SLC22A23: variants seen among roughly 807,000 people sequenced by gnomAD.
SLC22A23 encodes the protein ion transporter protein.
In SLC22A23, 26 loss-of-function variants were observed where a neutral mutation model predicts 61.0. That is an observed-to-expected ratio of 0.43 (90% CI 0.31 to 0.59). The LOEUF (loss-of-function observed/expected upper bound fraction) is 0.59, where lower values mean the gene tolerates loss of function less well. Ranked by LOEUF, SLC22A23 falls within the 20% of genes least tolerant of loss-of-function variation. The pLI, the probability that SLC22A23 is intolerant of heterozygous loss-of-function variation, is 0.11. For synonymous variants in SLC22A23, 430 were observed against 413.9 expected, an observed-to-expected ratio of 1.04 and a Z score of -0.47; for missense variants, 796 against 934.7, an observed-to-expected ratio of 0.85 and a Z score of 1.94.
At chr6:3,275,474 A>G (rs1417286448) in intron 9 of SLC22A23, among the ~76,000 whole-genome samples, 3 of 152,250 alleles carry the variant, frequency 2.0e-5, no homozygotes, top group Non-Finnish European at 4.4e-5. Context: ...ATTGGACTTC[A>G]TTAGGATTAA....
Position 3,386,602 on chromosome 6 carries a change from C to T in SLC22A23, c.913+23586G>A, listed in dbSNP as rs1352878422. ...GCTGCTTGCTCCTCAGTAGCCGTGC[C>T]AAGCGTGGCTGGGGACAGCCCGAGA... On this transcript the variant is annotated intron_variant, in intron 3 of 9. Transcript: ENST00000406686. The surrounding 1 kb of genome is among the most constrained non-coding windows in gnomAD (Gnocchi z 4.4). Among the ~76,000 whole-genome samples the T allele has an allele frequency of 6.6e-6, 1 of 152,264 alleles. No homozygotes were observed. The highest frequency in any genetic ancestry group is 1.5e-5 in the Non-Finnish European group (1 of 68,046).
chr6:3,318,250 C>T lies in SLC22A23; in HGVS notation c.1082+5584G>A, dbSNP rs1050873129. Among the ~76,000 whole-genome samples, 1 of 152,196 alleles carries T rather than the reference C, an allele frequency of 6.6e-6. No homozygotes were observed. The highest frequency in any genetic ancestry group is 1.5e-5 in the Non-Finnish European group (1 of 68,030). ...CTTGCTGATTCCAGAGAGGCTGCTC[C>T]TCCCAGGGTTCGCTAATTCCTAGAC... On this transcript the variant is annotated intron_variant, in intron 4 of 9. Transcript: ENST00000406686. The surrounding 1 kb of genome is among the most constrained non-coding windows in gnomAD (Gnocchi z 4.3).
intron 3 of SLC22A23, among the ~76,000 whole-genome samples, chr6:3,370,864 T>C (rs1766174029): frequency 6.6e-6 from 1 of 152,254 alleles, no homozygotes; most frequent in African/African-American, 2.4e-5. Context: ...AAACAGCTCC[T>C]ACCTGAGATT....
At chr6:3,307,743 T>C (rs1293339285) in intron 4 of SLC22A23, among the ~76,000 whole-genome samples, 9 of 152,238 alleles carry the variant, frequency 5.9e-5, no homozygotes, top group African/African-American at 2.2e-4. Context: ...TGAGTTACAG[T>C]GGAGGATTCC....
Position 3,297,080 on chromosome 6 carries a change from T to C in SLC22A23, c.1210+1011A>G, listed in dbSNP as rs1388374651. On this transcript the variant is annotated intron_variant, in intron 5 of 9. Coordinates refer to ENST00000406686, the MANE Select transcript of SLC22A23 (RefSeq NM_015482.2). The surrounding 1 kb of genome is among the most constrained non-coding windows in gnomAD (Gnocchi z 4.3). ...CCCTGCTGTTTCATCCCTCCTGACG[T>C]ATGCACGTGTAACTTCCCTGTCTGT... Among the ~76,000 whole-genome samples, 1 of 152,206 alleles carries C rather than the reference T, an allele frequency of 6.6e-6. No individual in the cohort carries two copies. The highest frequency in any genetic ancestry group is 1.5e-5 in the Non-Finnish European group (1 of 68,034).
At chr6:3,444,639 G>A (rs535845895) in intron 1 of SLC22A23, among the ~76,000 whole-genome samples, 2 of 152,350 alleles carry the variant, frequency 1.3e-5, no homozygotes, top group African/African-American at 4.8e-5. Flanking sequence ...GGCTAACCAG[G>A]CCTTGGCTAC....
At chr6:3,389,173 C>A (rs1767497951) in intron 3 of SLC22A23, among the ~76,000 whole-genome samples, 1 of 141,630 alleles carries the variant, frequency 7.1e-6, no homozygotes, top group Admixed American at 7.6e-5. Flanking sequence ...GAGTCTGAGG[C>A]AGGAGAATCA....
intron 4 of SLC22A23, chr6:3,323,199 G>C (rs1763063889): frequency 6.6e-6 from 3 of 455,562 alleles, no homozygotes; most frequent in Non-Finnish European, 1.3e-5. Context: ...ATATTGAGCA[G>C]GGGTGGGCAA....
chr6:3,305,139 G>A (rs1038623659), intron 4 of SLC22A23, among the ~76,000 whole-genome samples: 2 of 152,140 alleles, frequency 1.3e-5, no homozygotes, highest in Admixed American at 1.3e-4. Context: ...CGTGTGTGAT[G>A]CTTGCAAGTC....
intron 4 of SLC22A23, 79 bp from the exon 5 acceptor site, chr6:3,298,297 G>A: frequency 2.0e-6 from 3 of 1,500,416 alleles, no homozygotes; most frequent in African/African-American, 1.4e-5. Flanking sequence ...GTGTGGCCCG[G>A]GAGCTTCCCA....
At chr6:3,278,967 G>C (rs11964683) in intron 9 of SLC22A23, among the ~76,000 whole-genome samples, 15,300 of 152,186 alleles carry the variant, frequency 0.1, 2,020 homozygotes, top group African/African-American at 0.31. Context: ...GGGGTGGGCA[G>C]AGGGCCACTG....
rs369782228 is a variant in SLC22A23 at position 3,284,145 on chromosome 6, G to C, written c.1580-170C>G. 1.5e-5 allele frequency: 9 copies of C among 601,280 alleles called. No individual in the cohort carries two copies. In the African/African-American group the frequency reaches 1.7e-4, roughly 11 times the overall value. The allele number at this position is 601,280 out of a possible 1,614,324, so 37.2% of individuals were successfully genotyped here. ...CAGCACCTCAAGGACTAGAAGCCCA[G>C]AGCCCCTGCAGTGGGTTTTGTGGGG... On this transcript the variant is annotated intron_variant, in intron 8 of 9. Coordinates refer to ENST00000406686, the MANE Select transcript of SLC22A23 (RefSeq NM_015482.2).
intron 9 of SLC22A23, among the ~76,000 whole-genome samples, chr6:3,279,824 G>T (rs113462678): frequency 6.6e-6 from 1 of 152,208 alleles, no homozygotes; most frequent in African/African-American, 2.4e-5. Flanking sequence ...TTGGGCTTTA[G>T]GAGCACAAAA....
chr6:3,397,721 G>C (rs1465276437), intron 3 of SLC22A23, among the ~76,000 whole-genome samples: 1 of 152,114 alleles, frequency 6.6e-6, no homozygotes, highest in Admixed American at 6.5e-5. Flanking sequence ...TCAAAACAGT[G>C]CTCAGCTATA....
In SLC22A23 at chr6:3,415,635, C is replaced by G. The variant is rs558483377; in HGVS notation, c.758+117G>C. The G allele has an allele frequency of 7.3e-4, 512 of 704,820 alleles. 2 individuals are homozygous for G. The highest frequency in any genetic ancestry group is 2.4e-4 in the Non-Finnish European group (100 of 413,752). The allele number at this position is 704,820 out of a possible 1,614,324, so 43.7% of individuals were successfully genotyped here. On this transcript the variant is annotated intron_variant, in intron 2 of 9. Coordinates refer to ENST00000406686, the MANE Select transcript of SLC22A23 (RefSeq NM_015482.2). ...TTCTCCACGTGGCAGCTTTGGCCTT[C>G]TGCTCTGGCACTGGGAAAAGACAGT...
At chr6:3,444,091 AATACCATGCAG>A (rs1382961369) in intron 1 of SLC22A23, among the ~76,000 whole-genome samples, 1 of 152,192 alleles carries the variant, frequency 6.6e-6, no homozygotes. Context: ...GACAGGATAC[AATACCATGCAG>A]ATGCCATGGG....
At chr6:3,403,521 T>C (rs916771527) in intron 3 of SLC22A23, among the ~76,000 whole-genome samples, 5 of 152,172 alleles carry the variant, frequency 3.3e-5, no homozygotes, top group Non-Finnish European at 5.9e-5. Context: ...TGTTAACCAT[T>C]AATCTTACCC....
At chr6:3,403,072 A>C (rs1261407694) in intron 3 of SLC22A23, among the ~76,000 whole-genome samples, 2 of 152,170 alleles carry the variant, frequency 1.3e-5, no homozygotes, top group African/African-American at 4.8e-5. Flanking sequence ...CTGTGCTCTC[A>C]GCCAAGAGTC....
intron 3 of SLC22A23, among the ~76,000 whole-genome samples, chr6:3,379,935 T>C (rs772314445): frequency 2.6e-5 from 4 of 152,044 alleles, no homozygotes; most frequent in Non-Finnish European, 5.9e-5. Context: ...GTTTAAATCT[T>C]TGGAGAGAAA....
Sources: allele counts gnomAD v4.1 joint callset (sites outside exome capture counted in the v4.1 genomes callset), GRCh38; gene constraint gnomAD v4.1.1; non-coding constraint Gnocchi (gnomAD v3.1); transcripts MANE v1.5; gene names NCBI Gene and HGNC (gene_info 2026-07-23, HGNC 2026-07-21).